Variants in SRC observed in about 807,000 individuals in gnomAD.
SRC encodes proto-oncogene tyrosine-protein kinase Src.
SRC carries 13 observed loss-of-function variants against 62.9 expected under a neutral mutation model. The observed-to-expected ratio is 0.21, with a 90% CI of 0.13 to 0.33. The LOEUF (loss-of-function observed/expected upper bound fraction) is 0.33, where lower values mean the gene tolerates loss of function less well. Among genes scored for constraint, SRC ranks in the 10% least tolerant of loss-of-function variants. SRC has a pLI of 1.00. For missense variants in SRC, 457 were observed against 737.3 expected, an observed-to-expected ratio of 0.62 and a Z score of 4.40; for synonymous variants, 302 against 317.5, an observed-to-expected ratio of 0.95 and a Z score of 0.52.
chr20:37,358,918 G>T (rs748316822), intron 1 of SRC, among the ~76,000 whole-genome samples: 6 of 152,268 alleles, frequency 3.9e-5, no homozygotes, highest in African/African-American at 4.8e-5. Flanking sequence ...GCGGACACGG[G>T]ACCAGGCATG....
chr20:37,375,049 G>C (rs540876716), intron 2 of SRC, among the ~76,000 whole-genome samples: 1 of 151,786 alleles, frequency 6.6e-6, no homozygotes, highest in South Asian at 2.1e-4. Context: ...TCCTGCCTCA[G>C]CCTCTCGAGT....
At position 37,404,341 on chromosome 20, in the gene SRC, T is replaced by C. The variant is rs544503905; in HGVS notation, c.*962T>C. The C allele has an allele frequency of 4.3e-6, 1 of 233,554 alleles. No homozygotes were observed. Among genetic ancestry groups the C allele is most frequent in the South Asian group, 1.8e-4 (1 of 5,520 alleles). 14.5% of individuals were successfully genotyped at this position (233,554 alleles called of 1,614,324 possible). The stretch of plus-strand genomic sequence containing the variant: ...AGGTGCAGGTGTGGAGAGAGAGGCT[T>C]CAATCGGCTTGTGGGTGATGTTTGA... On this transcript the variant is annotated 3_prime_UTR_variant, in exon 14 of 14. Transcript: ENST00000373578.
chr20:37,366,525 C>A (rs1403664117), intron 2 of SRC, among the ~76,000 whole-genome samples: 2 of 152,240 alleles, frequency 1.3e-5, no homozygotes, highest in Non-Finnish European at 2.9e-5. Context: ...TCACTCCCCA[C>A]TTCCCCCTAA....
Position 37,384,517 on chromosome 20 carries a change from T to G in SRC, c.250+114T>G. ...CGCAGGCCCTTCCTCTCGCCAGGGG[T>G]AGCGCCCCTGGGTGACTTGGGTGTC... On this transcript the variant is annotated intron_variant, in intron 4 of 13. Coordinates refer to ENST00000373578, the MANE Select transcript of SRC (RefSeq NM_198291.3). The surrounding 1 kb of genome is among the most constrained non-coding windows in gnomAD (Gnocchi z 6.7). The G allele has an allele frequency of 2.8e-6, 3 of 1,083,822 alleles. No individual in the cohort carries two copies. The highest frequency in any genetic ancestry group is 3.9e-5 in the South Asian group (1 of 25,852). The allele number at this position is 1,083,822 out of a possible 1,614,324, so 67.1% of individuals were successfully genotyped here. A position where few individuals can be genotyped will look rare whatever the true frequency, so the allele number is the denominator to read the frequency against.
At position 37,367,002 on chromosome 20, in the gene SRC, G is replaced by C. The variant is rs116649848; in HGVS notation, c.-173+1725G>C. 3.0e-3 allele frequency among the ~76,000 whole-genome samples: 451 copies of C among 152,078 alleles called. 1 individual carries two copies. Among genetic ancestry groups the C allele is most frequent in the African/African-American group, 0.01 (435 of 41,486 alleles). The stretch of plus-strand genomic sequence containing the variant: ...ACATTCCCATCAGCAATGTCTGAGG[G>C]TTCCAATTTCTCCACATTCTTGCCA... On this transcript the variant is annotated intron_variant, in intron 2 of 13. Coordinates refer to ENST00000373578, the MANE Select transcript of SRC (RefSeq NM_198291.3).
intron 2 of SRC, among the ~76,000 whole-genome samples, chr20:37,377,380 G>T (rs1460431393): frequency 6.6e-6 from 1 of 152,204 alleles, no homozygotes; most frequent in Non-Finnish European, 1.5e-5. Context: ...TCGAACCCAG[G>T]TTTGACTGGA....
At chr20:37,379,621 G>A (rs976195620) in intron 2 of SRC, among the ~76,000 whole-genome samples, 1 of 152,004 alleles carries the variant, frequency 6.6e-6, no homozygotes, top group Admixed American at 6.6e-5. Flanking sequence ...CTACTCAGGA[G>A]GCTGAGGCAG....
chr20:37,373,167 T>C (rs1026084474), intron 2 of SRC, among the ~76,000 whole-genome samples: 63 of 133,550 alleles, frequency 4.7e-4, no homozygotes, highest in South Asian at 1.3e-3. Context: ...TACACACATA[T>C]ATGTACACAC....
At chr20:37,395,024 G>T (rs531630858) in intron 7 of SRC, among the ~76,000 whole-genome samples, 11 of 152,330 alleles carry the variant, frequency 7.2e-5, no homozygotes, top group South Asian at 6.2e-4. Flanking sequence ...ACTTGTGTGA[G>T]CGTGTGGCTA....
chr20:37,354,748 G>A (rs948536312), intron 1 of SRC, among the ~76,000 whole-genome samples: 15 of 152,204 alleles, frequency 9.9e-5, no homozygotes, highest in African/African-American at 3.4e-4. Flanking sequence ...GGTGCCCTGT[G>A]GTTGCCAGCA....
chr20:37,358,445 C>T (rs1442538734), intron 1 of SRC, among the ~76,000 whole-genome samples: 1 of 152,198 alleles, frequency 6.6e-6, no homozygotes, highest in Non-Finnish European at 1.5e-5. Flanking sequence ...CAGAAGGGCT[C>T]GTGGATTCAC....
intron 10 of SRC, 143 bp from the exon 11 acceptor site, chr20:37,401,459 G>A (rs2070736218): frequency 1.6e-6 from 1 of 609,596 alleles, no homozygotes; most frequent in Admixed American, 3.0e-5. Context: ...CACTGAGTGA[G>A]ACTTTATTCA....
At chr20:37,349,957 C>T (rs558927467) in intron 1 of SRC, among the ~76,000 whole-genome samples, 4 of 152,370 alleles carry the variant, frequency 2.6e-5, no homozygotes, top group African/African-American at 9.6e-5. Context: ...TGCCTAGGGT[C>T]TCCCAGTTGC....
At chr20:37,382,222 A>AGGTGCAG (rs3078007) in intron 2 of SRC, among the ~76,000 whole-genome samples, 38,763 of 151,716 alleles carry the variant, frequency 0.26, 6,952 homozygotes, top group African/African-American at 0.52. Context: ...ATAACGGCTG[A>AGGTGCAG]GGTGACCTGT....
chr20:37,359,209 T>TGTGGGGCCCTAG (rs761806695), intron 1 of SRC, among the ~76,000 whole-genome samples: 14 of 152,232 alleles, frequency 9.2e-5, no homozygotes, highest in Non-Finnish European at 1.6e-4. Flanking sequence ...CTCTTATTCC[T>TGTGGGGCCCTAG]GTGGGGCCCT....
chr20:37,400,370 A>C, intron 10 of SRC, 76 bp downstream of exon 10: 1 of 1,325,400 alleles, frequency 7.5e-7, no homozygotes, highest in Non-Finnish European at 1.0e-6. Context: ...ATTTCCTCTC[A>C]TGTCTAGAAT....
At position 37,384,307 on chromosome 20, in the gene SRC, G is replaced by T; in HGVS notation, c.154G>T (p.Ala52Ser). ...ASADGHRGPSAAFAPAAAEPK... is the reference protein window; with the variant it reads ...ASADGHRGPSSAFAPAAAEPK... ...GGCCGACGGCCACCGCGGCCCCAGC[G>T]CGGCCTTCGCCCCCGCGGCCGCCGA... Residue 52 changes from alanine to serine, a missense_variant, in exon 4 of 14, where the codon GCG becomes TCG. Around this residue, in one of 4 missense-constraint regions of SRC, gnomAD observed 132 missense variants for 135.4 expected, o/e 0.98. Coordinates refer to ENST00000373578, the MANE Select transcript of SRC (RefSeq NM_198291.3). This position sits in a 1 kb window ranked among gnomAD's most constrained non-coding sequence, Gnocchi z 6.7. 1 of 1,474,776 alleles carries T rather than the reference G, an allele frequency of 6.8e-7. No homozygotes were observed. Among genetic ancestry groups the T allele is most frequent in the Non-Finnish European group, 8.9e-7 (1 of 1,119,620 alleles). 91.4% of individuals were successfully genotyped at this position (1,474,776 alleles called of 1,614,324 possible).
At chr20:37,382,826 A>C (rs1458241965) in intron 3 of SRC, 40 bp downstream of exon 3, 1 of 152,222 alleles carries the variant, frequency 6.6e-6, no homozygotes, top group African/African-American at 2.4e-5. Flanking sequence ...ATGGGTGGGG[A>C]GATCCCAGCG....
intron 2 of SRC, among the ~76,000 whole-genome samples, chr20:37,373,067 T>A (rs1044068306): frequency 4.0e-5 from 6 of 151,706 alleles, no homozygotes; most frequent in African/African-American, 1.5e-4. Context: ...TATACACACA[T>A]ATACACACAT....
Sources: allele counts gnomAD v4.1 joint callset (sites outside exome capture counted in the v4.1 genomes callset), GRCh38; gene constraint gnomAD v4.1.1; regional missense constraint gnomAD v4.1.1; non-coding constraint Gnocchi (gnomAD v3.1); transcripts MANE v1.5; gene names NCBI Gene and HGNC (gene_info 2026-07-23, HGNC 2026-07-21).